PHB1: variants seen among roughly 807,000 people sequenced by gnomAD.
The protein encoded by PHB1 is prohibitin 1, also known as epididymis luminal protein 215.
chr17:49,408,713 A>G, the PHB1 span: 1 of 225,300 alleles, frequency 4.4e-6, no homozygotes, highest in Non-Finnish European at 8.8e-6. Context: ...TCTGGTCTCT[A>G]CCAGGCAGTT....
the PHB1 span, chr17:49,412,277 C>G: frequency 6.0e-6 from 1 of 166,708 alleles, no homozygotes; most frequent in African/African-American, 2.4e-5. Context: ...TTTCGAAGAG[C>G]CTACTCTTTC....
chr17:49,410,707 G>A, the PHB1 span, among the ~76,000 whole-genome samples: 1 of 152,226 alleles, frequency 6.6e-6, no homozygotes, highest in Non-Finnish European at 1.5e-5. Context: ...TACTAATGAT[G>A]TGGCCTCTCT....
At chr17:49,411,743 T>C in the PHB1 span, 1 of 1,614,174 alleles carries the variant, frequency 6.2e-7, no homozygotes, top group East Asian at 2.2e-5. Context: ...AATTGGTTTC[T>C]GTACCCACGG....
the PHB1 span, chr17:49,409,233 C>T: frequency 1.9e-6 from 3 of 1,574,724 alleles, no homozygotes; most frequent in South Asian, 3.3e-5. Flanking sequence ...AAACTAGCAG[C>T]CACATCCCAA....
the PHB1 span, chr17:49,412,191 A>T: frequency 4.8e-6 from 1 of 210,256 alleles, no homozygotes; most frequent in Non-Finnish European, 9.6e-6. Context: ...AGGTCTTCCC[A>T]GTTACCACAT....
chr17:49,407,583 A>T, the PHB1 span: 1 of 152,248 alleles, frequency 6.6e-6, no homozygotes, highest in East Asian at 1.9e-4. Context: ...AACAATGGGA[A>T]GGGACCTCAG....
the PHB1 span, among the ~76,000 whole-genome samples, chr17:49,410,273 C>T: frequency 6.6e-6 from 1 of 152,182 alleles, no homozygotes; most frequent in Non-Finnish European, 1.5e-5. Context: ...CCTGCCTCAG[C>T]CTCTTGAGTA....
At chr17:49,406,585 T>C in the PHB1 span, among the ~76,000 whole-genome samples, 1 of 152,254 alleles carries the variant, frequency 6.6e-6, no homozygotes, top group Non-Finnish European at 1.5e-5. Context: ...TATCCTTGAC[T>C]AGCCCCTGAA....
At chr17:49,409,232 G>A in the PHB1 span, 3 of 1,571,924 alleles carry the variant, frequency 1.9e-6, no homozygotes, top group East Asian at 2.2e-5. Context: ...GAAACTAGCA[G>A]CCACATCCCA....
At chr17:49,408,969 C>T in the PHB1 span, 2 of 903,402 alleles carry the variant, frequency 2.2e-6, no homozygotes, top group South Asian at 3.2e-5. Context: ...ATAGCGTCTA[C>T]CCAGAAATGG....
At chr17:49,410,176 C>A in the PHB1 span, among the ~76,000 whole-genome samples, 1 of 152,174 alleles carries the variant, frequency 6.6e-6, no homozygotes, top group Non-Finnish European at 1.5e-5. Flanking sequence ...AGCCATTACG[C>A]CTGGCAATTT....
chr17:49,409,248 C>A, the PHB1 span: 1 of 1,589,614 alleles, frequency 6.3e-7, no homozygotes, highest in Non-Finnish European at 8.6e-7. Context: ...TCCCAACCAA[C>A]CCACTGCCAA....
chr17:49,410,646 C>G, the PHB1 span, among the ~76,000 whole-genome samples: 2 of 152,254 alleles, frequency 1.3e-5, no homozygotes, highest in East Asian at 3.9e-4. Flanking sequence ...GAGGTTAGTT[C>G]GGGTCTGGTG....
chr17:49,406,895 G>T, the PHB1 span: 1 of 1,412,254 alleles, frequency 7.1e-7, no homozygotes, highest in Non-Finnish European at 1.0e-6. Context: ...CAGTGTGATT[G>T]CTTCGACAGC....
chr17:49,408,829 A>G, the PHB1 span: 296 of 541,112 alleles, frequency 5.5e-4, 7 homozygotes, highest in South Asian at 6.7e-3. Context: ...ACCAGAGGTC[A>G]TAAGAAAAAT....
At chr17:49,414,250 C>T in the PHB1 span, 1 of 152,088 alleles carries the variant, frequency 6.6e-6, no homozygotes, top group Admixed American at 6.5e-5. Context: ...ACCTCCTCAC[C>T]ATACTGCTTG....
chr17:49,404,811 A>C, the PHB1 span: 1 of 603,664 alleles, frequency 1.7e-6, no homozygotes, highest in Admixed American at 2.9e-5. Context: ...GAGAAGAATG[A>C]AAGAGTTTCA....
chr17:49,406,210 T>C, the PHB1 span, among the ~76,000 whole-genome samples: 1 of 152,250 alleles, frequency 6.6e-6, no homozygotes, highest in Non-Finnish European at 1.5e-5. Context: ...TATTTCTTGC[T>C]GTCCCCATCT....
chr17:49,406,319 A>G, the PHB1 span, among the ~76,000 whole-genome samples: 8 of 152,354 alleles, frequency 5.3e-5, no homozygotes, highest in Middle Eastern at 6.8e-3. Context: ...ACGCAAATAC[A>G]CTGTGTCCCA....
Sources: gnomAD v4.1 joint callset for allele counts (sites outside exome capture counted in the v4.1 genomes callset) on GRCh38, gnomAD v4.1.1 for gene constraint, MANE v1.5 for transcripts, NCBI Gene and HGNC (gene_info 2026-07-23, HGNC 2026-07-21) for gene names.